NCKAP5: variants seen among roughly 807,000 people sequenced by gnomAD.
The protein encoded by NCKAP5 is NCK associated protein 5, also known as nck-associated protein 5.
In NCKAP5, 92 loss-of-function variants were observed where a neutral mutation model predicts 167.0. That is an observed-to-expected ratio of 0.55 (90% CI 0.47 to 0.66). NCKAP5 has a LOEUF of 0.66. NCKAP5 is among the 30% of genes least tolerant of loss of function. The probability of loss-of-function intolerance (pLI) is 0.00; values close to 1 mark genes in which losing one functional copy is unlikely to be tolerated. For missense variants in NCKAP5, 2,378 were observed against 2,315.0 expected, an observed-to-expected ratio of 1.03 and a Z score of -0.56; for synonymous variants, 891 against 877.4, an observed-to-expected ratio of 1.02 and a Z score of -0.27.
Position 133,107,127 on chromosome 2 carries a change from C to A in NCKAP5, c.341+22851G>T, listed in dbSNP as rs149888940. 1.1e-3 allele frequency among the ~76,000 whole-genome samples: 174 copies of A among 152,290 alleles called. 2 individuals carry two copies. The highest frequency in any genetic ancestry group is 4.0e-3 in the African/African-American group (165 of 41,560). ...AGTCAGAAGGGATCATCTAAACGCT[C>A]TTCTGCCTGCAGGTGAAGCTGGAGC... On this transcript the variant is annotated intron_variant, in intron 6 of 19. Transcript: ENST00000409261.
At chr2:133,345,262 C>G (rs1683892229) in intron 3 of NCKAP5, among the ~76,000 whole-genome samples, 1 of 152,118 alleles carries the variant, frequency 6.6e-6, no homozygotes, top group South Asian at 2.1e-4. Flanking sequence ...GTGCAACCCT[C>G]CAAGTGTGAA....
intron 3 of NCKAP5, among the ~76,000 whole-genome samples, chr2:133,365,993 C>T (rs1471116465): frequency 2.0e-5 from 3 of 152,148 alleles, no homozygotes; most frequent in East Asian, 3.8e-4. Flanking sequence ...ACAATATGCT[C>T]TTATTATTTC....
rs572657493 is a variant in NCKAP5, at chr2:132,690,779, G to C, written c.5714-17474C>G. Among the ~76,000 whole-genome samples the C allele has an allele frequency of 2.6e-5, 4 of 152,212 alleles. No individual in the cohort carries two copies. In the East Asian group the frequency reaches 5.8e-4, roughly 22 times the overall value. On this transcript the variant is annotated intron_variant, in intron 19 of 19. Coordinates refer to ENST00000409261, the MANE Select transcript of NCKAP5 (RefSeq NM_207363.3). ...GCAGAAGCCTGGACAGTAAGAGGAG[G>C]GGGGGAAACAAGGCATTTCTCCCCT...
chr2:132,769,801 T>C (rs1010126116), intron 16 of NCKAP5, among the ~76,000 whole-genome samples: 21 of 152,202 alleles, frequency 1.4e-4, no homozygotes, highest in Admixed American at 5.2e-4. Context: ...ATGGGGGAAC[T>C]CTAGTGATGT....
intron 4 of NCKAP5, among the ~76,000 whole-genome samples, chr2:133,222,152 T>G (rs2086687185): frequency 1.3e-5 from 2 of 152,118 alleles, no homozygotes; most frequent in South Asian, 4.1e-4. Context: ...AAGAACCCCT[T>G]TACACTCTGC....
intron 16 of NCKAP5, among the ~76,000 whole-genome samples, chr2:132,771,101 T>C (rs1209040360): frequency 1.3e-5 from 2 of 151,040 alleles, no homozygotes; most frequent in Non-Finnish European, 2.9e-5. Context: ...ATAAAAAAAG[T>C]TAACAGCCTC....
intron 8 of NCKAP5, among the ~76,000 whole-genome samples, chr2:132,961,692 G>A (rs78450179): frequency 6.6e-6 from 1 of 152,030 alleles, no homozygotes; most frequent in Non-Finnish European, 1.5e-5. Context: ...AGAAACATTC[G>A]CTGCCAAATA....
intron 7 of NCKAP5, 135 bp downstream of exon 7, chr2:132,994,017 G>A (rs1046600509): frequency 1.1e-4 from 62 of 550,776 alleles, no homozygotes; most frequent in Non-Finnish European, 1.8e-4. Flanking sequence ...CAAAACAGAG[G>A]TGACTAGGTG....
intron 8 of NCKAP5, among the ~76,000 whole-genome samples, chr2:132,883,020 T>C: frequency 6.6e-6 from 1 of 151,824 alleles, no homozygotes; most frequent in East Asian, 1.9e-4. Flanking sequence ...TAGTGAGATC[T>C]CCATCTCTAC....
chr2:132,716,802 TTTC>T (rs1435699303), intron 19 of NCKAP5, among the ~76,000 whole-genome samples: 15 of 152,216 alleles, frequency 9.9e-5, no homozygotes, highest in African/African-American at 3.6e-4. Flanking sequence ...TGACATTTGC[TTTC>T]TTAAGGGCCT....
intron 6 of NCKAP5, among the ~76,000 whole-genome samples, chr2:133,074,661 C>A (rs948614399): frequency 2.6e-5 from 4 of 152,188 alleles, no homozygotes; most frequent in South Asian, 2.1e-4. Context: ...CATGCCTGAC[C>A]CAAATGGAAA....
At chr2:133,582,791 C>T in the NCKAP5 span, among the ~76,000 whole-genome samples, 5 of 152,204 alleles carry the variant, frequency 3.3e-5, no homozygotes, top group African/African-American at 1.2e-4. Flanking sequence ...TCCAGTCAAC[C>T]TGATATAAAA....
intron 5 of NCKAP5, among the ~76,000 whole-genome samples, chr2:133,199,125 T>G (rs1044609413): frequency 1.3e-5 from 2 of 152,052 alleles, no homozygotes; most frequent in Admixed American, 6.6e-5. Flanking sequence ...ATCATGGACC[T>G]AAAACATAAA....
At chr2:133,415,526 G>A (rs907234746) in intron 3 of NCKAP5, among the ~76,000 whole-genome samples, 5 of 152,344 alleles carry the variant, frequency 3.3e-5, no homozygotes, top group Middle Eastern at 3.4e-3. Flanking sequence ...GGTCACTTTG[G>A]GAGCCAGCTG....
intron 10 of NCKAP5, among the ~76,000 whole-genome samples, chr2:132,861,934 ATAG>A (rs1360383103): frequency 2.0e-5 from 3 of 152,232 alleles, no homozygotes; most frequent in African/African-American, 4.8e-5. Context: ...AATGCCACAC[ATAG>A]TAGGAGCTTA....
At chr2:133,319,145 C>T (rs1200709353) in intron 3 of NCKAP5, among the ~76,000 whole-genome samples, 3 of 138,666 alleles carry the variant, frequency 2.2e-5, no homozygotes, top group Admixed American at 1.4e-4. Context: ...TGTGAGCCAC[C>T]CCTCCCCCCC....
intron 19 of NCKAP5, among the ~76,000 whole-genome samples, chr2:132,684,183 T>C (rs755185634): frequency 6.6e-6 from 1 of 152,206 alleles, no homozygotes; most frequent in Non-Finnish European, 1.5e-5. Context: ...AATGTAGAAG[T>C]GAAAGGTGCT....
At chr2:133,032,058 G>C (rs1259887900) in intron 6 of NCKAP5, among the ~76,000 whole-genome samples, 2 of 152,146 alleles carry the variant, frequency 1.3e-5, no homozygotes, top group Admixed American at 6.5e-5. Context: ...GTGGCAAAGG[G>C]GCAAAACTCC....
At chr2:133,148,089 TG>T (rs2083264121) in intron 5 of NCKAP5, among the ~76,000 whole-genome samples, 1 of 152,110 alleles carries the variant, frequency 6.6e-6, no homozygotes, top group Non-Finnish European at 1.5e-5. Flanking sequence ...CATAATGAAA[TG>T]TTTTTCAAGA....
Sources: gnomAD v4.1 joint callset for allele counts (sites outside exome capture counted in the v4.1 genomes callset) on GRCh38, gnomAD v4.1.1 for gene constraint, MANE v1.5 for transcripts, NCBI Gene and HGNC (gene_info 2026-07-23, HGNC 2026-07-21) for gene names.